NELL1: variants seen among roughly 807,000 people sequenced by gnomAD.
The protein encoded by NELL1 is protein kinase C-binding protein NELL1.
A neutral mutation model predicts 107.4 loss-of-function variants in NELL1; 76 were observed. The observed-to-expected ratio is 0.71, with a 90% CI of 0.59 to 0.86. The LOEUF (loss-of-function observed/expected upper bound fraction) is 0.86. Among genes scored for constraint, NELL1 ranks in the 40% least tolerant of loss-of-function variants. The pLI, the probability that NELL1 is intolerant of heterozygous loss-of-function variation, is 0.00. For synonymous variants in NELL1, 353 were observed against 341.2 expected, an observed-to-expected ratio of 1.03 and a Z score of -0.38; for missense variants, 1,024 against 1,005.5, an observed-to-expected ratio of 1.02 and a Z score of -0.25.
intron 15 of NELL1, among the ~76,000 whole-genome samples, chr11:21,418,350 A>G (rs1397890987): frequency 6.6e-6 from 1 of 152,140 alleles, no homozygotes; most frequent in Non-Finnish European, 1.5e-5. Flanking sequence ...CTTGATGGCT[A>G]TATGATCTTG....
chr11:21,284,146 TGAC>T (rs1232021949), intron 14 of NELL1: 1 of 430,512 alleles, frequency 2.3e-6, no homozygotes, highest in Non-Finnish European at 4.7e-6. Context: ...GCGTTAAAAC[TGAC>T]GACACCCTGC....
At chr11:21,279,389 G>A (rs760401155) in intron 14 of NELL1, among the ~76,000 whole-genome samples, 30 of 152,100 alleles carry the variant, frequency 2.0e-4, no homozygotes, top group South Asian at 4.1e-4. Context: ...ACTGTTGTCC[G>A]AAATATACAA....
In NELL1 at chr11:21,117,956, A is replaced by G. The variant is rs905868518; in HGVS notation, c.1426+4242A>G. Among the ~76,000 whole-genome samples the G allele has an allele frequency of 3.3e-5, 5 of 152,160 alleles. No homozygotes were observed. In the South Asian group the frequency reaches 8.3e-4, roughly 25 times the overall value. On this transcript the variant is annotated intron_variant, in intron 13 of 19. Transcript: ENST00000357134. ...CTCATGCCTGGAATGGTAGAGGACC[A>G]GAAACATTTGGCAAATGGTACCCAT...
chr11:21,103,985 A>G (rs761664955), intron 12 of NELL1, among the ~76,000 whole-genome samples: 26 of 152,330 alleles, frequency 1.7e-4, no homozygotes, highest in Admixed American at 7.2e-4. Flanking sequence ...TGGAAACTTT[A>G]CGGCCTATAG....
chr11:21,539,509 A>G (rs1219076155), intron 16 of NELL1, among the ~76,000 whole-genome samples: 2 of 151,802 alleles, frequency 1.3e-5, no homozygotes, highest in African/African-American at 4.8e-5. Flanking sequence ...GGTGGCTCTC[A>G]GTGGGATGGA....
chr11:20,955,968 C>A (rs1472815000), intron 11 of NELL1, among the ~76,000 whole-genome samples: 4 of 152,088 alleles, frequency 2.6e-5, no homozygotes, highest in African/African-American at 9.7e-5. Context: ...TGCTTATAAT[C>A]CCAGCACTTT....
At chr11:20,840,230 G>T (rs1370273997) in intron 3 of NELL1, among the ~76,000 whole-genome samples, 1 of 152,056 alleles carries the variant, frequency 6.6e-6, no homozygotes, top group Non-Finnish European at 1.5e-5. Context: ...TGGTTATCTG[G>T]CCAATGACCC....
chr11:20,773,843 T>C (rs1008399097), intron 2 of NELL1, among the ~76,000 whole-genome samples: 1 of 152,014 alleles, frequency 6.6e-6, no homozygotes, highest in Admixed American at 6.5e-5. Context: ...GAGCCTGAGC[T>C]CTTAACCACT....
At chr11:20,795,098 C>T (rs1283758648) in intron 3 of NELL1, among the ~76,000 whole-genome samples, 2 of 152,262 alleles carry the variant, frequency 1.3e-5, no homozygotes, top group African/African-American at 4.8e-5. Context: ...GAGTTCCCTT[C>T]TGGCCAAAGG....
chr11:21,340,989 G>A (rs1422040075), intron 14 of NELL1, among the ~76,000 whole-genome samples: 1 of 152,100 alleles, frequency 6.6e-6, no homozygotes, highest in Non-Finnish European at 1.5e-5. Flanking sequence ...ATTGGATTGT[G>A]ACAACTCCAT....
chr11:20,694,712 G>A (rs747766051), intron 2 of NELL1, among the ~76,000 whole-genome samples: 7 of 151,976 alleles, frequency 4.6e-5, no homozygotes, highest in African/African-American at 1.2e-4. Context: ...ATAGAAGTGG[G>A]GTAATGTGAT....
rs77422310 is a variant in NELL1 at position 20,832,208 on chromosome 11, C to T, written c.336-15375C>T. On this transcript the variant is annotated intron_variant, in intron 3 of 19. Transcript: ENST00000357134. ...CTGGGCTGCATCTTCTAAGCTCATTCCTAAGCACTGTTCTTCTTAGTGACC... is the reference window on the plus strand; with the variant it reads ...CTGGGCTGCATCTTCTAAGCTCATTTCTAAGCACTGTTCTTCTTAGTGACC... Among the ~76,000 whole-genome samples, 785 of 152,318 alleles carry T rather than the reference C, an allele frequency of 5.2e-3. 8 individuals carry two copies. The highest frequency in any genetic ancestry group is 0.018 in the African/African-American group (752 of 41,576).
chr11:20,758,135 A>G (rs1856338978), intron 2 of NELL1, among the ~76,000 whole-genome samples: 1 of 152,100 alleles, frequency 6.6e-6, no homozygotes, highest in South Asian at 2.1e-4. Flanking sequence ...ATACCATCAT[A>G]TTGAGGGCTT....
rs555667013 is a variant in NELL1 at position 21,269,745 on chromosome 11, AAAGAGCATC to A, written c.1549+40293_1549+40301del. On this transcript the variant is annotated intron_variant, in intron 14 of 19. Transcript: ENST00000357134. Reference sequence around the variant, plus strand: ...AAATCATGGATCTACATAAAGAAAGAAAGAGCATCAGCGAAAGAATTAGCAAAATTAAAA... The same window carrying A: ...AAATCATGGATCTACATAAAGAAAGAAGCGAAAGAATTAGCAAAATTAAAA... Among the ~76,000 whole-genome samples the A allele has an allele frequency of 2.5e-3, 383 of 152,294 alleles. 1 individual carries two copies. The highest frequency in any genetic ancestry group is 4.6e-3 in the Non-Finnish European group (311 of 67,996).
At chr11:20,776,703 C>T (rs186354603) in intron 2 of NELL1, among the ~76,000 whole-genome samples, 2 of 151,888 alleles carry the variant, frequency 1.3e-5, no homozygotes, top group Non-Finnish European at 2.9e-5. Flanking sequence ...TGGGTAGGAA[C>T]GTGGCCCTGG....
chr11:21,021,901 G>A (rs1290689686), intron 12 of NELL1, among the ~76,000 whole-genome samples: 2 of 152,048 alleles, frequency 1.3e-5, no homozygotes, highest in Non-Finnish European at 2.9e-5. Flanking sequence ...GAAGAATACA[G>A]TTTCACCAAA....
intron 5 of NELL1, among the ~76,000 whole-genome samples, chr11:20,887,906 CA>C (rs974546856): frequency 1.3e-5 from 2 of 151,568 alleles, no homozygotes; most frequent in Non-Finnish European, 2.9e-5. Flanking sequence ...TGGAAAGAAA[CA>C]AAAAAATGCT....
intron 12 of NELL1, among the ~76,000 whole-genome samples, chr11:20,973,866 CTT>C (rs1366416733): frequency 3.3e-5 from 5 of 152,184 alleles, no homozygotes; most frequent in Non-Finnish European, 7.3e-5. Context: ...TGAATTTTGT[CTT>C]TTGATGCTGA....
At chr11:21,459,546 G>A (rs1853846171) in intron 15 of NELL1, among the ~76,000 whole-genome samples, 1 of 151,872 alleles carries the variant, frequency 6.6e-6, no homozygotes, top group South Asian at 2.1e-4. Context: ...GGACTGAATT[G>A]GAAAGTTGAT....
Sources: gnomAD v4.1 joint callset for allele counts (sites outside exome capture counted in the v4.1 genomes callset) on GRCh38, gnomAD v4.1.1 for gene constraint, MANE v1.5 for transcripts, NCBI Gene and HGNC (gene_info 2026-07-23, HGNC 2026-07-21) for gene names.